Variants in SYT1 observed in about 807,000 individuals in gnomAD.
The protein encoded by SYT1 is synaptotagmin 1.
Under a neutral mutation model 44.8 loss-of-function variants are expected in SYT1, and 8 were observed. The observed-to-expected ratio is 0.18, with a 90% CI of 0.10 to 0.32. The LOEUF (loss-of-function observed/expected upper bound fraction) is 0.32. SYT1 is among the 10% of genes least tolerant of loss of function. The pLI is 1.00. For missense variants in SYT1, 286 were observed against 509.3 expected, an observed-to-expected ratio of 0.56 and a Z score of 4.22; for synonymous variants, 154 against 188.8, an observed-to-expected ratio of 0.82 and a Z score of 1.51.
intron 2 of SYT1, among the ~76,000 whole-genome samples, chr12:78,980,985 G>C (rs1037486188): frequency 2.6e-5 from 4 of 152,112 alleles, no homozygotes; most frequent in African/African-American, 9.6e-5. Context: ...AGGATCTCAA[G>C]TATGAGTGGC....
At chr12:79,004,672 A>G (rs1870961296) in intron 2 of SYT1, among the ~76,000 whole-genome samples, 2 of 151,962 alleles carry the variant, frequency 1.3e-5, no homozygotes, top group Non-Finnish European at 2.9e-5. Flanking sequence ...CAGATGTGAG[A>G]AGACTCTAGA....
chr12:78,970,951 C>A (rs1301056127), intron 1 of SYT1, among the ~76,000 whole-genome samples: 1 of 152,084 alleles, frequency 6.6e-6, no homozygotes, highest in African/African-American at 2.4e-5. Context: ...GAGCTCAAGA[C>A]CAGCCTGGCC....
At chr12:79,105,104 G>A (rs925816247) in intron 3 of SYT1, among the ~76,000 whole-genome samples, 11 of 152,292 alleles carry the variant, frequency 7.2e-5, no homozygotes, top group African/African-American at 2.4e-4. Flanking sequence ...AACACATAGA[G>A]CACAATGGTT....
At chr12:79,159,398 T>C (rs1262684751) in intron 3 of SYT1, among the ~76,000 whole-genome samples, 6 of 152,162 alleles carry the variant, frequency 3.9e-5, no homozygotes, top group African/African-American at 4.8e-5. Flanking sequence ...TCCCCCCTTA[T>C]CTGTGGATTG....
chr12:78,920,424 T>A (rs531818650), intron 1 of SYT1, among the ~76,000 whole-genome samples: 2 of 152,130 alleles, frequency 1.3e-5, no homozygotes, highest in East Asian at 3.9e-4. Flanking sequence ...CCATCATCTA[T>A]GAATGCACAG....
intron 9 of SYT1, among the ~76,000 whole-genome samples, chr12:79,383,842 T>C (rs907439392): frequency 6.6e-6 from 1 of 152,226 alleles, no homozygotes; most frequent in Non-Finnish European, 1.5e-5. Flanking sequence ...CTTTATTATT[T>C]TGATGAGCTA....
intron 3 of SYT1, among the ~76,000 whole-genome samples, chr12:79,051,413 A>G (rs181552466): frequency 1.2e-3 from 173 of 150,368 alleles, no homozygotes; most frequent in Middle Eastern, 3.5e-3. Flanking sequence ...TATCTCTACT[A>G]TATATGTATA....
At chr12:79,007,360 A>G (rs1428344498) in intron 2 of SYT1, among the ~76,000 whole-genome samples, 1 of 152,170 alleles carries the variant, frequency 6.6e-6, no homozygotes, top group African/African-American at 2.4e-5. Context: ...AAAGTAAGAC[A>G]CATTAGTCAT....
At chr12:79,393,060 T>A (rs555888961) in intron 9 of SYT1, 1 of 150,638 alleles carries the variant, frequency 6.6e-6, no homozygotes, top group South Asian at 2.1e-4. Context: ...CAGTGTTTGG[T>A]TTTCTGTCCT....
chr12:79,121,628 G>A (rs1879605068), intron 3 of SYT1, among the ~76,000 whole-genome samples: 1 of 152,158 alleles, frequency 6.6e-6, no homozygotes, highest in Non-Finnish European at 1.5e-5. Flanking sequence ...ATTTCTTAGT[G>A]TGGGTATAAA....
intron 4 of SYT1, among the ~76,000 whole-genome samples, chr12:79,270,954 C>T (rs1013790125): frequency 1.3e-5 from 2 of 152,202 alleles, no homozygotes; most frequent in African/African-American, 4.8e-5. Context: ...CGCATAGAGC[C>T]TGCCTCCCCT....
intron 1 of SYT1, among the ~76,000 whole-genome samples, chr12:78,968,767 T>C (rs760990864): frequency 5.3e-5 from 8 of 152,152 alleles, no homozygotes; most frequent in Non-Finnish European, 4.4e-5. Context: ...GGTTCAGTAA[T>C]ATTTTAGCAG....
At chr12:79,366,781 A>G (rs151025128) in intron 9 of SYT1, among the ~76,000 whole-genome samples, 91 of 152,340 alleles carry the variant, frequency 6.0e-4, no homozygotes, top group Admixed American at 9.8e-4. Context: ...AAAGCACTAT[A>G]TAAATATTGG....
At chr12:78,970,416 A>G (rs1442263982) in intron 1 of SYT1, among the ~76,000 whole-genome samples, 1 of 152,196 alleles carries the variant, frequency 6.6e-6, no homozygotes, top group Non-Finnish European at 1.5e-5. Context: ...TTAAAAGGTT[A>G]TCAGTATATT....
At chr12:78,907,647 C>A (rs1381885) in intron 1 of SYT1, among the ~76,000 whole-genome samples, 117,839 of 151,854 alleles carry the variant, frequency 0.78, 46,481 homozygotes, top group African/African-American at 0.91. Flanking sequence ...ATGAAAGTAT[C>A]CGAAGATGAG....
intron 4 of SYT1, among the ~76,000 whole-genome samples, chr12:79,257,691 G>A (rs1367045359): frequency 2.6e-5 from 4 of 152,168 alleles, no homozygotes. Flanking sequence ...GTTTCACCAT[G>A]TTAGCCAGGA....
At chr12:79,439,968 G>A (rs933205615) in intron 9 of SYT1, among the ~76,000 whole-genome samples, 3 of 151,786 alleles carry the variant, frequency 2.0e-5, no homozygotes, top group Non-Finnish European at 4.4e-5. Flanking sequence ...GCTCACTTCT[G>A]TAATCCCAGC....
At chr12:78,913,003 T>G (rs2137133370) in intron 1 of SYT1, among the ~76,000 whole-genome samples, 1 of 152,012 alleles carries the variant, frequency 6.6e-6, no homozygotes, top group South Asian at 2.1e-4. Flanking sequence ...TTTTAATATA[T>G]TCACTTCTAC....
At chr12:79,125,488 G>A (rs933122675) in intron 3 of SYT1, among the ~76,000 whole-genome samples, 9 of 148,714 alleles carry the variant, frequency 6.1e-5, no homozygotes, top group African/African-American at 9.9e-5. Flanking sequence ...GTAGAGGCTC[G>A]TGCCTGTGAT....
Sources: gnomAD v4.1 joint callset for allele counts (sites outside exome capture counted in the v4.1 genomes callset) on GRCh38, gnomAD v4.1.1 for gene constraint, MANE v1.5 for transcripts, NCBI Gene and HGNC (gene_info 2026-07-23, HGNC 2026-07-21) for gene names.